The following ZNF79 variants were observed in gnomAD, a reference collection of about 807,000 sequenced individuals.
ZNF79 encodes zinc finger protein 79, also known as ZNFpT7.
ZNF79 carries 13 observed loss-of-function variants against 14.9 expected under a neutral mutation model. The ratio of observed to expected loss-of-function variants is 0.87; its 90% confidence interval spans 0.57 to 1.38. The LOEUF (loss-of-function observed/expected upper bound fraction) is 1.38, where lower values mean the gene tolerates loss of function less well. Ranked by LOEUF, ZNF79 falls within the 40% of genes most tolerant of loss-of-function variation. The probability of loss-of-function intolerance (pLI) is 0.00; values close to 1 mark genes in which losing one functional copy is unlikely to be tolerated. For missense variants in ZNF79, 631 were observed against 630.6 expected (o/e 1.00, Z -0.01); for synonymous variants, 223 against 235.1 (o/e 0.95, Z 0.47).
rs916624384 is a variant in ZNF79 at position 127,444,219 on chromosome 9, G to A, written c.519G>A (p.Glu173=). The A allele has an allele frequency of 4.3e-6, 7 of 1,613,988 alleles. No individual in the cohort carries two copies. The highest frequency in any genetic ancestry group is 3.3e-5 in the Admixed American group (2 of 59,996). Residue 173 remains glutamate (E), a synonymous_variant, in exon 5 of 5, where the codon GAG becomes GAA. Transcript: ENST00000342483. ...TGGAAGCGAGACCTCGCAAATGTGA[G>A]ACACACACCGAGAGCTTCAAGAACT... is the stretch of plus-strand genomic sequence containing the variant. The part of the protein sequence containing the change: ...VPVEARPRKC[E]THTESFKNSE...
In ZNF79 at chr9:127,444,604, G is replaced by A; in HGVS notation, c.904G>A (p.Glu302Lys). ...TCAGCATCAGAGAATTCATACCGGAGAGAAGCCCTACGAATGCAGCGACTG... is the reference window on the plus strand; with the variant it reads ...TCAGCATCAGAGAATTCATACCGGAAAGAAGCCCTACGAATGCAGCGACTG... ...LVQHQRIHTG[E>K]KPYECSDCGK... Residue 302 changes from glutamate to lysine, a missense_variant, in exon 5 of 5, where the codon GAG becomes AAG. Glu to Lys is a moderately conservative substitution (Grantham distance 56). Coordinates refer to ENST00000342483, the MANE Select transcript of ZNF79 (RefSeq NM_007135.3). 1 of 1,614,180 alleles carries A rather than the reference G, an allele frequency of 6.2e-7. No homozygotes were observed. Among genetic ancestry groups the A allele is most frequent in the East Asian group, 2.2e-5 (1 of 44,886 alleles).
chr9:127,441,712 G>A (rs926308733), intron 4 of ZNF79, among the ~76,000 whole-genome samples: 7 of 152,272 alleles, frequency 4.6e-5, no homozygotes, highest in African/African-American at 9.6e-5. Flanking sequence ...TTGGGAGGCC[G>A]AGGCAGGCAG....
intron 4 of ZNF79, among the ~76,000 whole-genome samples, chr9:127,436,609 ATC>A (rs1833952220): frequency 6.6e-6 from 1 of 152,216 alleles, no homozygotes; most frequent in East Asian, 1.9e-4. Flanking sequence ...CTCTCCCCTA[ATC>A]TCTCTCAGCC....
At chr9:127,429,009 G>T (rs1028276969) in intron 2 of ZNF79, 89 bp downstream of exon 2, 67 of 902,756 alleles carry the variant, frequency 7.4e-5, no homozygotes, top group Non-Finnish European at 1.0e-4. Flanking sequence ...GTCATTGTTT[G>T]TTTTCTTTCT....
chr9:127,435,429 A>G (rs1833930697), intron 3 of ZNF79, among the ~76,000 whole-genome samples: 1 of 151,978 alleles, frequency 6.6e-6, no homozygotes, highest in African/African-American at 2.4e-5. Flanking sequence ...CCATTCTCTC[A>G]TTTCGCAGGA....
intron 4 of ZNF79, among the ~76,000 whole-genome samples, chr9:127,441,916 G>T (rs1052625269): frequency 5.3e-5 from 8 of 149,898 alleles, no homozygotes; most frequent in Non-Finnish European, 1.0e-4. Flanking sequence ...CTGCACTCCA[G>T]CCTGGGTGAC....
At chr9:127,435,055 G>T in intron 2 of ZNF79, 35 bp from the exon 3 acceptor site, 1 of 1,588,790 alleles carries the variant, frequency 6.3e-7, no homozygotes, top group Non-Finnish European at 8.6e-7. Context: ...AGATCCTAAG[G>T]CCACTGGCAA....
At chr9:127,425,015 G>C in intron 1 of ZNF79, 1 of 1,370,144 alleles carries the variant, frequency 7.3e-7, no homozygotes, top group Non-Finnish European at 9.6e-7. Context: ...GAATTCGGGG[G>C]TCAAAAAAGT....
intron 1 of ZNF79, among the ~76,000 whole-genome samples, chr9:127,428,289 C>G (rs927636301): frequency 8.5e-5 from 13 of 152,160 alleles, no homozygotes; most frequent in Non-Finnish European, 1.8e-4. Flanking sequence ...CCAAGAGTTA[C>G]TTCTTAACTT....
rs1833712180 is a variant in ZNF79, at chr9:127,424,485, G to A, written c.-303G>A. The A allele has an allele frequency of 1.0e-5, 4 of 384,660 alleles. No individual in the cohort carries two copies. Among genetic ancestry groups the A allele is most frequent in the Non-Finnish European group, 1.9e-5 (4 of 206,610 alleles). The allele number at this position is 384,660 out of a possible 1,614,324, so 23.8% of individuals were successfully genotyped here. A position where few individuals can be genotyped will look rare whatever the true frequency, so the allele number is the denominator to read the frequency against. ...GGTTGCCGGTAGATTGTTGCCAGTT[G>A]CCAGTTGCCAGTCGTTTTTCGGAAA... On this transcript the variant is annotated 5_prime_UTR_variant, in exon 1 of 5. Transcript: ENST00000342483.
chr9:127,429,815 C>A (rs1463453033), intron 2 of ZNF79, among the ~76,000 whole-genome samples: 1 of 134,696 alleles, frequency 7.4e-6, no homozygotes, highest in Non-Finnish European at 1.7e-5. Context: ...TCTTTTATTT[C>A]TTTTTCCTTT....
rs76215700 is a variant in ZNF79 at position 127,425,180 on chromosome 9, G to A, written c.16+377G>A. 1.9e-3 allele frequency among the ~76,000 whole-genome samples: 285 copies of A among 152,270 alleles called. 4 individuals carry two copies. The highest frequency in any genetic ancestry group is 6.7e-3 in the African/African-American group (280 of 41,552). On this transcript the variant is annotated intron_variant, in intron 1 of 4. Coordinates refer to ENST00000342483, the MANE Select transcript of ZNF79 (RefSeq NM_007135.3). ...AGCCCTTCTCGAAGCAGCCAGGAAT[G>A]CCTGGAAGCCCGGGAAAGTTTGGGG...
intron 4 of ZNF79, among the ~76,000 whole-genome samples, chr9:127,440,390 A>G (rs1302745613): frequency 6.6e-6 from 1 of 152,174 alleles, no homozygotes; most frequent in African/African-American, 2.4e-5. Context: ...GCCACAGCGT[A>G]TGTTGAGACC....
rs377573055 is a variant in ZNF79, at chr9:127,435,198, A to G, written c.214A>G (p.Arg72Gly). ...CAAGGAGGGGATACCAGGAAAGTCCAGGAGCCTTGTCCTACTAGGTAAGGA... is the reference window on the plus strand; with the variant it reads ...CAAGGAGGGGATACCAGGAAAGTCCGGGAGCCTTGTCCTACTAGGTAAGGA... ...RFKEGIPGKS[R>G]SLVLLGLPVS... The change falls in exon 3 of 5, where the codon AGG becomes GGG. Residue 72 changes from arginine (R) to glycine (G), a missense_variant. Coordinates refer to ENST00000342483, the MANE Select transcript of ZNF79 (RefSeq NM_007135.3). 7.6e-5 allele frequency: 122 copies of G among 1,606,460 alleles called. No homozygotes were observed. Among genetic ancestry groups the G allele is most frequent in the Non-Finnish European group, 9.9e-5 (116 of 1,177,356 alleles).
chr9:127,425,151 T>C (rs1410209112), intron 1 of ZNF79, among the ~76,000 whole-genome samples: 2 of 152,110 alleles, frequency 1.3e-5, no homozygotes, highest in Non-Finnish European at 2.9e-5. Context: ...ACTTTTCTCC[T>C]TCTAGCCCTT....
intron 2 of ZNF79, among the ~76,000 whole-genome samples, chr9:127,434,614 A>G (rs1293025219): frequency 6.6e-6 from 1 of 152,132 alleles, no homozygotes; most frequent in East Asian, 1.9e-4. Context: ...TGAAATTATC[A>G]TAGTGTTAGG....
Position 127,445,213 on chromosome 9 carries a change from A to C in ZNF79, c.*16A>C, listed in dbSNP as rs370654520. On this transcript the variant is annotated 3_prime_UTR_variant, in exon 5 of 5. Transcript: ENST00000342483. ...CGGAGAGTAACTAGGAACATGGTAG[A>C]AGTGGAGAGAGTCCCGGACATGCCG... The C allele has an allele frequency of 1.2e-6, 2 of 1,611,184 alleles. No individual in the cohort carries two copies. The highest frequency in any genetic ancestry group is 1.7e-6 in the Non-Finnish European group (2 of 1,177,978).
Position 127,444,226 on chromosome 9 carries a change from A to G in ZNF79, c.526A>G (p.Thr176Ala). The G allele has an allele frequency of 6.2e-7, 1 of 1,614,168 alleles. No individual in the cohort carries two copies. The highest frequency in any genetic ancestry group is 8.5e-7 in the Non-Finnish European group (1 of 1,180,022). ...EARPRKCETH[T>A]ESFKNSEILK... is the part of the protein sequence containing the mutation. ...GAGACCTCGCAAATGTGAGACACAC[A>G]CCGAGAGCTTCAAGAACTCGGAAAT... The change falls in exon 5 of 5, where the codon ACC becomes GCC. Residue 176 changes from threonine (T) to alanine (A), a missense_variant. Transcript: ENST00000342483.
rs1458892196 is a variant in ZNF79, at chr9:127,424,418, T to G, written c.-370T>G. ...TCCCTCTGGCGCTGGAGCCAGGACC[T>G]GGCGTTGGGCGGTACTTGGACAGCG... On this transcript the variant is annotated 5_prime_UTR_variant, in exon 1 of 5. Coordinates refer to ENST00000342483, the MANE Select transcript of ZNF79 (RefSeq NM_007135.3). 1 of 221,762 alleles carries G rather than the reference T, an allele frequency of 4.5e-6. No individual in the cohort carries two copies. The highest frequency in any genetic ancestry group is 9.1e-6 in the Non-Finnish European group (1 of 109,412). The allele number at this position is 221,762 out of a possible 1,614,324, so 13.7% of individuals were successfully genotyped here.
Sources: gnomAD v4.1 joint callset for allele counts (sites outside exome capture counted in the v4.1 genomes callset) on GRCh38, gnomAD v4.1.1 for gene constraint, MANE v1.5 for transcripts, NCBI Gene and HGNC (gene_info 2026-07-23, HGNC 2026-07-21) for gene names.